Variants in ZNF615 observed in about 807,000 individuals in gnomAD.
The protein encoded by ZNF615 is zinc finger protein 615.
ZNF615 carries 15 observed loss-of-function variants against 15.3 expected under a neutral mutation model. That is an observed-to-expected ratio of 0.98 (90% CI 0.66 to 1.51). The LOEUF is 1.51. Ranked by LOEUF, ZNF615 falls within the 40% of genes most tolerant of loss-of-function variation. The probability of loss-of-function intolerance (pLI) is 0.00; values close to 1 mark genes in which losing one functional copy is unlikely to be tolerated. For synonymous variants in ZNF615, 268 were observed against 294.6 expected, an observed-to-expected ratio of 0.91 and a Z score of 0.92; for missense variants, 848 against 895.9, an observed-to-expected ratio of 0.95 and a Z score of 0.68.
rs780002881 is a variant in ZNF615, at chr19:51,993,685, C to T, written c.1424G>A (p.Gly475Asp). ...KPYVCTECRK[G>D]FTMKSDLIVH... ...AATGAGGTCACTCTTCATGGTGAAA[C>T]CTTTTCGACATTCGGTGCATACATA... Residue 475 changes from glycine to aspartate, a missense_variant, in exon 7 of 7, where the codon GGT becomes GAT. Coordinates refer to ENST00000598071, the MANE Select transcript of ZNF615 (RefSeq NM_001199324.2). The T allele has an allele frequency of 1.2e-6, 2 of 1,614,016 alleles. No homozygotes were observed. Among genetic ancestry groups the T allele is most frequent in the Non-Finnish European group, 1.7e-6 (2 of 1,180,002 alleles).
Position 52,008,023 on chromosome 19 carries a change from G to T in ZNF615, c.-228+118C>A. ...AAGCTCCTGAAAGAATTCCACTGGC[G>T]TCGCCAAACGCTGGCGCCGACAGAT... On this transcript the variant is annotated intron_variant, in intron 1 of 6. Transcript: ENST00000598071. 4.2e-6 allele frequency: 4 copies of T among 951,406 alleles called. 1 individual carries two copies. The South Asian group carries it at 4.7e-5, about 11-fold the overall frequency. 58.9% of individuals were successfully genotyped at this position (951,406 alleles called of 1,614,324 possible). A position where few individuals can be genotyped will look rare whatever the true frequency, so the allele number is the denominator to read the frequency against.
At chr19:52,001,664 C>G in intron 5 of ZNF615, 149 bp downstream of exon 5, 1 of 573,508 alleles carries the variant, frequency 1.7e-6, no homozygotes, top group South Asian at 2.1e-5. Context: ...ATTTTCCATA[C>G]TATAACAAAA....
At position 52,003,697 on chromosome 19, in the gene ZNF615, C is replaced by T. The variant is rs2086669968; in HGVS notation, c.15G>A (p.Gln5=). 1.2e-6 allele frequency: 2 copies of T among 1,612,454 alleles called. No homozygotes were observed. The highest frequency in any genetic ancestry group is 1.7e-6 in the Non-Finnish European group (2 of 1,179,140). ...AAGAATAAAACAAACCAAAAGTCAC[C>T]TGGGCCTGCATCATTGTCTCCTAAA... is the stretch of plus-strand genomic sequence containing the variant. MMQA[Q]ESLTLEDVAV... The change falls in exon 3 of 7, where the codon CAG becomes CAA. Residue 5 remains glutamine, a splice_region_variant and synonymous_variant. Coordinates refer to ENST00000598071, the MANE Select transcript of ZNF615 (RefSeq NM_001199324.2).
chr19:52,003,900 G>T lies in ZNF615; in HGVS notation c.-189C>A. On this transcript the variant is annotated splice_region_variant and 5_prime_UTR_variant, in exon 3 of 7. It introduces an in-frame stop codon into an upstream open reading frame of the 5' UTR. Coordinates refer to ENST00000598071, the MANE Select transcript of ZNF615 (RefSeq NM_001199324.2). ...TTTCTCTTGTTCTCAGCACCTGTGG[G>T]CTGAAGAGCAAATTACTCTGAGTGG... is the stretch of plus-strand genomic sequence containing the variant. 1 of 1,384,308 alleles carries T rather than the reference G, an allele frequency of 7.2e-7. No homozygotes were observed. The highest frequency in any genetic ancestry group is 9.3e-7 in the Non-Finnish European group (1 of 1,070,954). 85.8% of individuals were successfully genotyped at this position (1,384,308 alleles called of 1,614,324 possible).
At chr19:52,002,103 G>A (rs555196162) in intron 4 of ZNF615, 52 bp downstream of exon 4, 1 of 1,614,156 alleles carries the variant, frequency 6.2e-7, no homozygotes, top group East Asian at 2.2e-5. Flanking sequence ...AGCTGAGAAA[G>A]GAAGGCCACT....
Position 52,002,408 on chromosome 19 carries a change from T to G in ZNF615, c.16-127A>C, listed in dbSNP as rs776508122. ...GTGGGGTTTTTTTCTTAGTACATTT[T>G]GACAGAATAAGAATTCCAGTAAAAT... On this transcript the variant is annotated intron_variant, in intron 3 of 6. Coordinates refer to ENST00000598071, the MANE Select transcript of ZNF615 (RefSeq NM_001199324.2). 4 of 1,337,588 alleles carry G rather than the reference T, an allele frequency of 3.0e-6. No individual in the cohort carries two copies. The African/African-American group carries it at 4.3e-5, about 14-fold the overall frequency. 82.9% of individuals were successfully genotyped at this position (1,337,588 alleles called of 1,614,324 possible).
chr19:51,996,559 A>G (rs2086447423), intron 6 of ZNF615, among the ~76,000 whole-genome samples: 1 of 152,216 alleles, frequency 6.6e-6, no homozygotes, highest in African/African-American at 2.4e-5. Context: ...AAGTACAAAC[A>G]TGAAGAAATT....
At chr19:52,007,990 C>T (rs904592847) in intron 1 of ZNF615, 151 bp downstream of exon 1, 3 of 688,664 alleles carry the variant, frequency 4.4e-6, no homozygotes, top group African/African-American at 3.6e-5. Context: ...AGGAATCGGA[C>T]CCACGCTAAG....
chr19:52,008,208 G>T lies in ZNF615; in HGVS notation c.-295C>A. The T allele has an allele frequency of 1.3e-6, 2 of 1,526,990 alleles. No individual in the cohort carries two copies. Among genetic ancestry groups the T allele is most frequent in the Non-Finnish European group, 1.8e-6 (2 of 1,142,352 alleles). 94.6% of individuals were successfully genotyped at this position (1,526,990 alleles called of 1,614,324 possible). ...TCAGTGCCTGACGGCGACTATCCAG[G>T]GTCGGAGGCGTTCCCAGCGTTTGCG... On this transcript the variant is annotated 5_prime_UTR_variant, in exon 1 of 7. Coordinates refer to ENST00000598071, the MANE Select transcript of ZNF615 (RefSeq NM_001199324.2).
At chr19:52,007,945 A>C (rs1600025631) in intron 1 of ZNF615, 196 bp downstream of exon 1, 1 of 586,872 alleles carries the variant, frequency 1.7e-6, no homozygotes, top group Non-Finnish European at 3.0e-6. Context: ...ACACACACAC[A>C]CCCTATCACG....
chr19:52,001,825 G>A lies in ZNF615; in HGVS notation c.226C>T (p.Arg76Ter), dbSNP rs139856242. The change falls in exon 5 of 7, where the codon CGA becomes TGA. Residue 76 changes from arginine (R) to a stop codon, truncating the protein, a stop_gained. Coordinates refer to ENST00000598071, the MANE Select transcript of ZNF615 (RefSeq NM_001199324.2). LOFTEE classifies it low-confidence loss of function (END_TRUNC). ...TCTTEDEIYS[R>*]ICSDSGGASG... ...TCCTCTCACTCACCAGAACAGATTC[G>A]AGAGTAGATTTCATCTTCTGTTGTG... is the stretch of plus-strand genomic sequence containing the variant. 1.0e-4 allele frequency: 166 copies of A among 1,613,798 alleles called. 1 individual carries two copies. Among genetic ancestry groups the A allele is most frequent in the Middle Eastern group, 1.6e-4 (1 of 6,084 alleles).
At chr19:52,006,705 C>A (rs1192127754) in intron 2 of ZNF615, among the ~76,000 whole-genome samples, 1 of 152,052 alleles carries the variant, frequency 6.6e-6, no homozygotes, top group Non-Finnish European at 1.5e-5. Flanking sequence ...CTTAGAAAAC[C>A]AGTAGAGCTG....
intron 1 of ZNF615, 39 bp from the exon 2 acceptor site, chr19:52,007,369 C>A: frequency 8.1e-7 from 1 of 1,236,984 alleles, no homozygotes; most frequent in Non-Finnish European, 1.1e-6. Flanking sequence ...TGGAAACTTG[C>A]AGGACAAAGG....
At chr19:52,001,516 G>A (rs1334427022) in intron 5 of ZNF615, among the ~76,000 whole-genome samples, 1 of 151,694 alleles carries the variant, frequency 6.6e-6, no homozygotes, top group Admixed American at 6.6e-5. Flanking sequence ...TACTCAGGAG[G>A]CTGAGGCAGG....
chr19:52,002,473 T>A, intron 3 of ZNF615, 192 bp from the exon 4 acceptor site: 1 of 799,916 alleles, frequency 1.3e-6, no homozygotes, highest in Non-Finnish European at 2.1e-6. Flanking sequence ...TCAACAATGT[T>A]GAAAAGTCAA....
At chr19:51,999,628 T>TAATAC (rs1333489187) in intron 6 of ZNF615, among the ~76,000 whole-genome samples, 1 of 152,172 alleles carries the variant, frequency 6.6e-6, no homozygotes, top group Non-Finnish European at 1.5e-5. Context: ...TGTATCTCAA[T>TAATAC]AATAGTTTAC....
chr19:52,002,082 T>A, intron 4 of ZNF615, 73 bp downstream of exon 4: 2 of 1,614,128 alleles, frequency 1.2e-6, no homozygotes, highest in Admixed American at 3.3e-5. Flanking sequence ...TTCAGAGTAC[T>A]GCAGGTAAGC....
In ZNF615 at chr19:52,000,659, T is replaced by C. The variant is rs144629708; in HGVS notation, c.239-281A>G. Among the ~76,000 whole-genome samples, 202 of 151,918 alleles carry C rather than the reference T, an allele frequency of 1.3e-3. 8 individuals are homozygous for C. In the East Asian group the frequency reaches 0.035, roughly 27 times the overall value. On this transcript the variant is annotated intron_variant, in intron 5 of 6. Transcript: ENST00000598071. ...AAAGTTATGAGAACAGTAAAGAAAA[T>C]GGAAGAAGGATGGGCTGGGCACGGA...
chr19:52,003,380 T>C (rs922021051), intron 3 of ZNF615, among the ~76,000 whole-genome samples: 12 of 152,276 alleles, frequency 7.9e-5, no homozygotes, highest in African/African-American at 2.9e-4. Context: ...CCATGAAACA[T>C]TAACATCCCT....
Sources: gnomAD v4.1 joint callset for allele counts (sites outside exome capture counted in the v4.1 genomes callset) on GRCh38, gnomAD v4.1.1 for gene constraint, MANE v1.5 for transcripts, NCBI Gene and HGNC (gene_info 2026-07-23, HGNC 2026-07-21) for gene names.